Variants in EXT1 observed in about 807,000 individuals in gnomAD.
EXT1 encodes exostosin-1.
EXT1 carries 20 observed loss-of-function variants against 82.5 expected under a neutral mutation model. The observed-to-expected ratio is 0.24, with a 90% CI of 0.17 to 0.35. The LOEUF (loss-of-function observed/expected upper bound fraction) is 0.35. Ranked by LOEUF, EXT1 falls within the 10% of genes least tolerant of loss-of-function variation. EXT1 has a pLI of 1.00. For missense variants in EXT1, 757 were observed against 936.5 expected, an observed-to-expected ratio of 0.81 and a Z score of 2.50; for synonymous variants, 348 against 350.8, an observed-to-expected ratio of 0.99 and a Z score of 0.09.
chr8:117,986,035 C>A (rs538661420), intron 1 of EXT1, among the ~76,000 whole-genome samples: 1 of 152,174 alleles, frequency 6.6e-6, no homozygotes, highest in East Asian at 1.9e-4. Flanking sequence ...CTTTTTTTTA[C>A]TAAGGAAAGC....
intron 7 of EXT1, among the ~76,000 whole-genome samples, chr8:117,814,538 G>A (rs1185575202): frequency 2.6e-5 from 4 of 152,024 alleles, no homozygotes; most frequent in African/African-American, 4.8e-5. Context: ...TGCCCAAAAC[G>A]GACCCAGGAT....
rs570058463 is a variant in EXT1, at chr8:117,853,611, C to T, written c.963-16410G>A. Among the ~76,000 whole-genome samples the T allele has an allele frequency of 1.2e-3, 189 of 152,280 alleles. 1 individual carries two copies. Among genetic ancestry groups the T allele is most frequent in the African/African-American group, 4.4e-3 (182 of 41,572 alleles). ...AAGCTGCATCAGAAAAGAGCCTTAA[C>T]AACTTGATTAGAGTTAATGAAAGAT... On this transcript the variant is annotated intron_variant, in intron 1 of 10. Transcript: ENST00000378204.
At chr8:117,860,874 C>T (rs535801830) in intron 1 of EXT1, among the ~76,000 whole-genome samples, 1 of 152,320 alleles carries the variant, frequency 6.6e-6, no homozygotes, top group East Asian at 1.9e-4. Context: ...CCCTGGTCTA[C>T]AGGTAAAGGG....
At chr8:118,068,454 C>T (rs951428604) in intron 1 of EXT1, among the ~76,000 whole-genome samples, 7 of 152,212 alleles carry the variant, frequency 4.6e-5, no homozygotes, top group African/African-American at 1.7e-4. Context: ...CATGCATTAG[C>T]TCTTTTCCCT....
chr8:118,067,558 C>T (rs1460262009), intron 1 of EXT1, among the ~76,000 whole-genome samples: 2 of 152,202 alleles, frequency 1.3e-5, no homozygotes, highest in Admixed American at 6.5e-5. Flanking sequence ...ACTATACACA[C>T]CATAGCTGAG....
At chr8:118,037,844 T>TG (rs1816453078) in intron 1 of EXT1, among the ~76,000 whole-genome samples, 2 of 146,970 alleles carry the variant, frequency 1.4e-5, no homozygotes, top group African/African-American at 5.1e-5. Flanking sequence ...TTGTTTTTTT[T>TG]TTTTTTTTTT....
At chr8:117,989,017 G>T (rs1191227249) in intron 1 of EXT1, among the ~76,000 whole-genome samples, 1 of 146,972 alleles carries the variant, frequency 6.8e-6, no homozygotes, top group African/African-American at 2.6e-5. Context: ...AATGGGGCCA[G>T]GAGTTTGAGA....
At chr8:118,031,353 C>A (rs983146084) in intron 1 of EXT1, among the ~76,000 whole-genome samples, 2 of 151,920 alleles carry the variant, frequency 1.3e-5, no homozygotes, top group African/African-American at 2.4e-5. Context: ...AGCGAAACCC[C>A]GTCTCTACTA....
At chr8:117,811,914 A>G (rs4876391) in intron 8 of EXT1, among the ~76,000 whole-genome samples, 101,995 of 152,078 alleles carry the variant, frequency 0.67, 34,365 homozygotes, top group Admixed American at 0.73. Flanking sequence ...GCGTCAGGCC[A>G]CATCTGTGGA....
At chr8:117,853,659 C>T (rs1457271354) in intron 1 of EXT1, among the ~76,000 whole-genome samples, 1 of 152,198 alleles carries the variant, frequency 6.6e-6, no homozygotes, top group Non-Finnish European at 1.5e-5. Flanking sequence ...TCTAGTTCAT[C>T]TTATCTGCTC....
intron 1 of EXT1, among the ~76,000 whole-genome samples, chr8:117,920,903 C>T (rs949605601): frequency 2.0e-5 from 3 of 152,156 alleles, no homozygotes; most frequent in Non-Finnish European, 4.4e-5. Flanking sequence ...TCCTCCAACA[C>T]ATCATCAAGC....
At chr8:118,098,007 G>A (rs1423459302) in intron 1 of EXT1, among the ~76,000 whole-genome samples, 3 of 152,178 alleles carry the variant, frequency 2.0e-5, no homozygotes, top group African/African-American at 7.2e-5. Context: ...GGTGTGTGGG[G>A]AAAGCGGGGA....
chr8:117,871,230 A>C (rs560981315), intron 1 of EXT1, among the ~76,000 whole-genome samples: 1 of 152,350 alleles, frequency 6.6e-6, no homozygotes, highest in South Asian at 2.1e-4. Flanking sequence ...TCATTATTTT[A>C]CAGTACAATT....
At chr8:118,002,381 CAAAAAAAAA>C (rs772109456) in intron 1 of EXT1, among the ~76,000 whole-genome samples, 2 of 61,038 alleles carry the variant, frequency 3.3e-5, no homozygotes, top group Non-Finnish European at 6.5e-5. Flanking sequence ...ACTCCGTCTC[CAAAAAAAAA>C]AAAAAAAAAA....
At chr8:117,973,827 AAAGG>A (rs1814999947) in intron 1 of EXT1, among the ~76,000 whole-genome samples, 1 of 112,624 alleles carries the variant, frequency 8.9e-6, no homozygotes, top group Non-Finnish European at 1.8e-5. Flanking sequence ...AAAGGAAAGG[AAAGG>A]AAAGGAAAGG....
chr8:117,885,352 C>A (rs1187271053), intron 1 of EXT1, among the ~76,000 whole-genome samples: 1 of 151,950 alleles, frequency 6.6e-6, no homozygotes, highest in Admixed American at 6.6e-5. Flanking sequence ...AATTTAACAG[C>A]AAAATCAAAT....
chr8:118,028,412 G>A (rs1258315714), intron 1 of EXT1, among the ~76,000 whole-genome samples: 2 of 152,190 alleles, frequency 1.3e-5, no homozygotes, highest in Non-Finnish European at 2.9e-5. Flanking sequence ...TTCACCAGAT[G>A]CTGTGTTTTT....
rs1812076416 is a variant in EXT1 at position 117,830,258 on chromosome 8, A to G, written c.1256T>C (p.Val419Ala). 3.7e-6 allele frequency: 6 copies of G among 1,614,096 alleles called. No homozygotes were observed. The highest frequency in any genetic ancestry group is 4.2e-6 in the Non-Finnish European group (5 of 1,180,002). ...TAGTGTAGTTAATACAATCTTCTCA[A>G]CTGAAGAAAAATAAGCCTCCCACAA... ...QFLWEAYFSS[V>A]EKIVLTTLEI... is the part of the protein sequence containing the mutation. Residue 419 changes from valine to alanine, a missense_variant, in exon 4 of 11, where the codon GTT becomes GCT. Physicochemically the swap from Val to Ala is moderately conservative, Grantham distance 64 (BLOSUM62 0). This residue lies in a region of EXT1 where 207 missense variants were observed against 224.2 expected (regional missense o/e 0.92). Transcript: ENST00000378204.
At chr8:117,897,591 C>CTCTCT (rs775608794) in intron 1 of EXT1, among the ~76,000 whole-genome samples, 117 of 90,696 alleles carry the variant, frequency 1.3e-3, no homozygotes, top group African/African-American at 4.8e-3. Flanking sequence ...CTTCTTTTCT[C>CTCTCT]TTTTTTTTTT....
Sources: allele counts gnomAD v4.1 joint callset (sites outside exome capture counted in the v4.1 genomes callset), GRCh38; gene constraint gnomAD v4.1.1; regional missense constraint gnomAD v4.1.1; transcripts MANE v1.5; gene names NCBI Gene and HGNC (gene_info 2026-07-23, HGNC 2026-07-21).